Variants in CHD2 observed in about 807,000 individuals in gnomAD.
The protein encoded by CHD2 is chromodomain helicase DNA binding protein 2.
CHD2 carries 28 observed loss-of-function variants against 243.9 expected under a neutral mutation model. That is an observed-to-expected ratio of 0.11 (90% CI 0.09 to 0.16). The LOEUF is 0.16. CHD2 is among the 10% of genes least tolerant of loss of function. The pLI is 1.00. For synonymous variants in CHD2, 775 were observed against 779.0 expected, an observed-to-expected ratio of 0.99 and a Z score of 0.09; for missense variants, 1,386 against 2,209.8, an observed-to-expected ratio of 0.63 and a Z score of 7.47.
At chr15:92,956,286 A>G (rs185746924) in intron 15 of CHD2, among the ~76,000 whole-genome samples, 173 bp from the exon 16 acceptor site, 10 of 152,304 alleles carry the variant, frequency 6.6e-5, no homozygotes, top group African/African-American at 2.4e-4. Flanking sequence ...AATAGCTACC[A>G]ATCTGGCAAC....
chr15:93,016,000 A>T (rs1196948812), intron 37 of CHD2, among the ~76,000 whole-genome samples: 1 of 152,240 alleles, frequency 6.6e-6, no homozygotes, highest in Non-Finnish European at 1.5e-5. Flanking sequence ...CAGTCCCTTT[A>T]CCAGGTATAT....
At chr15:93,002,900 C>CT (rs1300007803) in intron 33 of CHD2, among the ~76,000 whole-genome samples, 1 of 152,096 alleles carries the variant, frequency 6.6e-6, no homozygotes, top group East Asian at 1.9e-4. Flanking sequence ...GTTGATAACT[C>CT]TAATAGATTT....
chr15:93,024,654 A>G lies in CHD2; in HGVS notation c.5436A>G (p.Ser1812=). Residue 1812 remains serine (S), a synonymous_variant, in exon 39 of 39, where the codon TCA becomes TCG. Coordinates refer to ENST00000394196, the MANE Select transcript of CHD2 (RefSeq NM_001271.4). ...PLDHRSPLER[S]LEQKNNPDYN... The stretch of plus-strand genomic sequence containing the variant: ...ATCATAGGTCTCCTTTGGAGAGATC[A>G]CTAGAACAGAAAAACAACCCAGATT... 1 of 1,613,638 alleles carries G rather than the reference A, an allele frequency of 6.2e-7. No homozygotes were observed. The highest frequency in any genetic ancestry group is 8.5e-7 in the Non-Finnish European group (1 of 1,179,832).
Position 92,949,035 on chromosome 15 carries a change from T to C in CHD2, c.1461T>C (p.Tyr487=). ...GGGAGAATCTGGAACTTCGAGATTA[T>C]CAGCTAGAAGGTCTAAACTGGCTAG... The part of the protein sequence containing the change: ...LGGENLELRD[Y]QLEGLNWLAH... Residue 487 remains tyrosine (Y), a synonymous_variant, in exon 13 of 39, where the codon TAT becomes TAC. Transcript: ENST00000394196. 1.1e-5 allele frequency: 17 copies of C among 1,614,140 alleles called. No homozygotes were observed. The highest frequency in any genetic ancestry group is 1.4e-5 in the Non-Finnish European group (17 of 1,180,010).
At chr15:92,991,312 C>G (rs2054116869) in intron 26 of CHD2, 164 bp from the exon 27 acceptor site, 1 of 494,790 alleles carries the variant, frequency 2.0e-6, no homozygotes, top group African/African-American at 2.0e-5. Flanking sequence ...TGACTAGTTT[C>G]AAAGACATTC....
At chr15:92,902,942 C>G (rs143915815) in intron 2 of CHD2, among the ~76,000 whole-genome samples, 2 of 152,134 alleles carry the variant, frequency 1.3e-5, no homozygotes, top group South Asian at 4.1e-4. Flanking sequence ...TTACTCTCAC[C>G]TGGAAAACTA....
At chr15:92,999,714 A>G (rs991406544) in intron 31 of CHD2, among the ~76,000 whole-genome samples, 1 of 152,146 alleles carries the variant, frequency 6.6e-6, no homozygotes, top group African/African-American at 2.4e-5. Flanking sequence ...AGTATGCAAT[A>G]TATTATGTGT....
At chr15:92,958,111 G>C (rs2053640080) in intron 16 of CHD2, among the ~76,000 whole-genome samples, 1 of 152,088 alleles carries the variant, frequency 6.6e-6, no homozygotes, top group Non-Finnish European at 1.5e-5. Context: ...TCTTTCTCTT[G>C]CTTAGAGACT....
intron 16 of CHD2, among the ~76,000 whole-genome samples, chr15:92,960,210 G>C (rs1277564145): frequency 2.0e-5 from 3 of 151,950 alleles, no homozygotes; most frequent in Admixed American, 2.0e-4. Flanking sequence ...TAAACTTACT[G>C]TTTTCTACTG....
intron 2 of CHD2, among the ~76,000 whole-genome samples, chr15:92,908,611 A>G (rs1335430661): frequency 6.6e-6 from 1 of 152,236 alleles, no homozygotes; most frequent in Middle Eastern, 3.4e-3. Flanking sequence ...TGTGTTTTCA[A>G]ATCTTCTGAT....
intron 2 of CHD2, among the ~76,000 whole-genome samples, chr15:92,913,245 TCTG>T (rs1321269478): frequency 1.3e-5 from 2 of 152,218 alleles, no homozygotes; most frequent in Non-Finnish European, 2.9e-5. Context: ...TCTGTTCTGT[TCTG>T]CTGCTTTTTA....
At chr15:92,909,975 T>A (rs2052699856) in intron 2 of CHD2, among the ~76,000 whole-genome samples, 1 of 151,702 alleles carries the variant, frequency 6.6e-6, no homozygotes, top group South Asian at 2.1e-4. Context: ...TGTGTATGTA[T>A]ATATGTATAT....
chr15:92,997,166 T>C lies in CHD2; in HGVS notation c.3734+71T>C. On this transcript the variant is annotated intron_variant, in intron 29 of 38. Coordinates refer to ENST00000394196, the MANE Select transcript of CHD2 (RefSeq NM_001271.4). The surrounding 1 kb of genome is among the most constrained non-coding windows in gnomAD (Gnocchi z 4.1). ...AATAGATTTGAAGTTAGACTTTGTGTAGTTCCATAGTATTTTTACTGTCTC... is the reference window on the plus strand; with the variant it reads ...AATAGATTTGAAGTTAGACTTTGTGCAGTTCCATAGTATTTTTACTGTCTC... 1 of 1,605,142 alleles carries C rather than the reference T, an allele frequency of 6.2e-7. No individual in the cohort carries two copies.
At chr15:92,968,573 G>A (rs2053798347) in intron 17 of CHD2, among the ~76,000 whole-genome samples, 1 of 152,146 alleles carries the variant, frequency 6.6e-6, no homozygotes, top group Non-Finnish European at 1.5e-5. Flanking sequence ...ACAAAAGGGT[G>A]ATATTCAAAT....
intron 2 of CHD2, chr15:92,914,844 T>C (rs1240418427): frequency 6.6e-6 from 1 of 152,232 alleles, no homozygotes; most frequent in African/African-American, 2.4e-5. Context: ...TCGGTTTTTA[T>C]AAGGTTGAGC....
chr15:92,903,303 C>A (rs927053676), intron 2 of CHD2, among the ~76,000 whole-genome samples: 1 of 151,988 alleles, frequency 6.6e-6, no homozygotes, highest in Non-Finnish European at 1.5e-5. Flanking sequence ...TTTTTATTGC[C>A]CAAAGTATAG....
intron 2 of CHD2, among the ~76,000 whole-genome samples, chr15:92,923,978 A>G (rs1187334693): frequency 6.6e-6 from 1 of 152,142 alleles, no homozygotes; most frequent in Non-Finnish European, 1.5e-5. Context: ...TTACTGTGTT[A>G]ACTAGGTGTG....
intron 2 of CHD2, chr15:92,902,295 T>C (rs1437757411): frequency 3.5e-5 from 14 of 397,204 alleles, no homozygotes; most frequent in Non-Finnish European, 6.2e-5. Context: ...CTAAGATGTT[T>C]TTGTTGTATG....
intron 2 of CHD2, among the ~76,000 whole-genome samples, chr15:92,903,051 T>A (rs749960838): frequency 3.9e-5 from 6 of 152,250 alleles, no homozygotes; most frequent in Non-Finnish European, 7.3e-5. Context: ...TCAAGTATAC[T>A]TTGAATCATA....
Sources: gnomAD v4.1 joint callset for allele counts (sites outside exome capture counted in the v4.1 genomes callset) on GRCh38, gnomAD v4.1.1 for gene constraint, Gnocchi (gnomAD v3.1) non-coding constraint, MANE v1.5 for transcripts, NCBI Gene and HGNC (gene_info 2026-07-23, HGNC 2026-07-21) for gene names.